Variants in PDE12 observed in about 807,000 individuals in gnomAD.
The protein encoded by PDE12 is phosphodiesterase 12, also known as 2',5'-phosphodiesterase 12.
A neutral mutation model predicts 45.4 loss-of-function variants in PDE12; 26 were observed. That is an observed-to-expected ratio of 0.57 (90% CI 0.42 to 0.79). The LOEUF (loss-of-function observed/expected upper bound fraction) is 0.79, where lower values mean the gene tolerates loss of function less well. PDE12 is among the 30% of genes least tolerant of loss of function. The probability of loss-of-function intolerance (pLI) is 0.00; values close to 1 mark genes in which losing one functional copy is unlikely to be tolerated. For missense variants in PDE12, 668 were observed against 790.0 expected (o/e 0.85, Z 1.85); for synonymous variants, 283 against 323.9 (o/e 0.87, Z 1.36).
At chr3:57,652,354 G>A in the PDE12 span, among the ~76,000 whole-genome samples, 1 of 152,186 alleles carries the variant, frequency 6.6e-6, no homozygotes, top group Admixed American at 6.5e-5. Context: ...CAGCCACAGA[G>A]AACTGCGATC....
At chr3:57,617,532 C>T in the PDE12 span, among the ~76,000 whole-genome samples, 1 of 152,230 alleles carries the variant, frequency 6.6e-6, no homozygotes, top group South Asian at 2.1e-4. Context: ...GCACTATTCA[C>T]AATAGCAAAG....
At chr3:57,640,179 G>C in the PDE12 span, among the ~76,000 whole-genome samples, 1 of 150,864 alleles carries the variant, frequency 6.6e-6, no homozygotes, top group Admixed American at 6.6e-5. Context: ...TGAGGCAGGA[G>C]AATCTCCTGA....
At chr3:57,642,313 CAAAAA>C in the PDE12 span, among the ~76,000 whole-genome samples, 1 of 67,564 alleles carries the variant, frequency 1.5e-5, no homozygotes, top group African/African-American at 7.4e-5. Context: ...GACTCTGTCT[CAAAAA>C]AAAAAAAAAA....
chr3:57,560,925 T>A lies in PDE12; in HGVS notation c.*921T>A, dbSNP rs2069722272. The A allele has an allele frequency of 2.4e-5, 24 of 983,474 alleles. No individual in the cohort carries two copies. The highest frequency in any genetic ancestry group is 2.9e-5 in the Non-Finnish European group (24 of 827,762). The allele number at this position is 983,474 out of a possible 1,614,324, so 60.9% of individuals were successfully genotyped here. On this transcript the variant is annotated 3_prime_UTR_variant, in exon 3 of 3. Coordinates refer to ENST00000311180, the MANE Select transcript of PDE12 (RefSeq NM_177966.7). Reference sequence around the variant, plus strand: ...TTTAACAAAAGATAAAAATAAATCGTCACCAATTGTTATTGCTTCTCATCT... The same window carrying A: ...TTTAACAAAAGATAAAAATAAATCGACACCAATTGTTATTGCTTCTCATCT...
chr3:57,655,414 C>T, the PDE12 span, among the ~76,000 whole-genome samples: 13 of 152,198 alleles, frequency 8.5e-5, no homozygotes, highest in African/African-American at 2.7e-4. Context: ...GGAGACAAGA[C>T]ATGTGCTAAT....
the PDE12 span, among the ~76,000 whole-genome samples, chr3:57,636,999 G>A: frequency 6.8e-6 from 1 of 146,976 alleles, no homozygotes; most frequent in African/African-American, 2.5e-5. Flanking sequence ...TGAGTAAAAA[G>A]TTAAATACAG....
At chr3:57,638,557 C>A in the PDE12 span, among the ~76,000 whole-genome samples, 45 of 151,990 alleles carry the variant, frequency 3.0e-4, no homozygotes, top group African/African-American at 1.0e-3. Context: ...ACTCGGGGAG[C>A]TAAGGCAGGA....
chr3:57,609,499 A>G, the PDE12 span, among the ~76,000 whole-genome samples: 1 of 152,208 alleles, frequency 6.6e-6, no homozygotes, highest in African/African-American at 2.4e-5. Context: ...AGCAAGACTA[A>G]TAAGAAGAGA....
rs766680669 is a variant in PDE12, at chr3:57,559,228, C to CA, written c.1309-75dup. 1,974 of 1,238,310 alleles carry CA rather than the reference C, an allele frequency of 1.6e-3. 1 individual carries two copies. Among genetic ancestry groups the CA allele is most frequent in the Non-Finnish European group, 2.1e-3 (1,766 of 855,644 alleles). The allele number at this position is 1,238,310 out of a possible 1,614,324, so 76.7% of individuals were successfully genotyped here. A position where few individuals can be genotyped will look rare whatever the true frequency, so the allele number is the denominator to read the frequency against. ...AGAGTGAGACTGTCTCGAAAAAACT[C>CA]AAAAAAACAAACAAACAAACAAAAA... On this transcript the variant is annotated intron_variant, in intron 1 of 2. Coordinates refer to ENST00000311180, the MANE Select transcript of PDE12 (RefSeq NM_177966.7).
the PDE12 span, among the ~76,000 whole-genome samples, chr3:57,607,724 G>A: frequency 6.6e-6 from 1 of 152,086 alleles, no homozygotes; most frequent in South Asian, 2.1e-4. Context: ...AAGAAATATG[G>A]GACTATGTGA....
the PDE12 span, among the ~76,000 whole-genome samples, chr3:57,605,236 C>T: frequency 6.6e-6 from 1 of 152,074 alleles, no homozygotes. Flanking sequence ...AAAACCAAAC[C>T]TTAGGACAGA....
At chr3:57,598,446 C>G in the PDE12 span, among the ~76,000 whole-genome samples, 1 of 152,158 alleles carries the variant, frequency 6.6e-6, no homozygotes, top group Admixed American at 6.5e-5. Flanking sequence ...ATCTACCCTT[C>G]AGAGACTGTT....
At chr3:57,619,953 G>C in the PDE12 span, among the ~76,000 whole-genome samples, 2 of 152,170 alleles carry the variant, frequency 1.3e-5, no homozygotes, top group Non-Finnish European at 2.9e-5. Context: ...GCCGGGCATG[G>C]TGGCTCACGC....
Position 57,559,895 on chromosome 3 carries a change from A to G in PDE12, c.1721A>G (p.Gln574Arg). 6.2e-7 allele frequency: 1 copy of G among 1,614,150 alleles called. No homozygotes were observed. Among genetic ancestry groups the G allele is most frequent in the Non-Finnish European group, 8.5e-7 (1 of 1,180,032 alleles). ...GACTTAAATGCTTTAGAGGTTGAAC[A>G]GGTGATTCCATTACCTAGTCATGAA... ...FIDLNALEVE[Q>R]VIPLPSHEEV... Residue 574 changes from glutamine to arginine, a missense_variant, in exon 3 of 3, where the codon CAG becomes CGG. Gln to Arg is a conservative substitution (Grantham distance 43, BLOSUM62 1). This residue lies in a region of PDE12 where 79 missense variants were observed against 97.9 expected (regional missense o/e 0.81). Coordinates refer to ENST00000311180, the MANE Select transcript of PDE12 (RefSeq NM_177966.7).
the PDE12 span, among the ~76,000 whole-genome samples, chr3:57,641,422 ATTC>A: frequency 6.8e-6 from 1 of 147,656 alleles, no homozygotes; most frequent in Non-Finnish European, 1.5e-5. Flanking sequence ...TTATATTATT[ATTC>A]TATAATAATA....
rs762497418 is a variant in PDE12 at position 57,557,503 on chromosome 3, G to C, written c.1124G>C (p.Arg375Pro). Reference protein sequence around the residue: ...LEAFGLEGVFRIKQHEGLATF... With the variant: ...LEAFGLEGVFPIKQHEGLATF... Reference sequence around the variant, plus strand: ...GCCTTCGGGCTCGAGGGGGTGTTTCGAATCAAGCAGCACGAAGGCCTGGCC... The same window carrying C: ...GCCTTCGGGCTCGAGGGGGTGTTTCCAATCAAGCAGCACGAAGGCCTGGCC... Residue 375 changes from arginine (R) to proline (P), a missense_variant, in exon 1 of 3, where the codon CGA (arginine) becomes CCA (proline). Coordinates refer to ENST00000311180, the MANE Select transcript of PDE12 (RefSeq NM_177966.7). The C allele has an allele frequency of 1.2e-6, 2 of 1,613,886 alleles. No individual in the cohort carries two copies. The highest frequency in any genetic ancestry group is 1.7e-5 in the Admixed American group (1 of 59,982).
Position 57,562,303 on chromosome 3 carries a change from T to C in PDE12, c.*2299T>C, listed in dbSNP as rs2069736216. 1 of 163,352 alleles carries C rather than the reference T, an allele frequency of 6.1e-6. No homozygotes were observed. The highest frequency in any genetic ancestry group is 2.0e-4 in the South Asian group (1 of 5,018). The allele number at this position is 163,352 out of a possible 1,614,324, so 10.1% of individuals were successfully genotyped here. A position where few individuals can be genotyped will look rare whatever the true frequency, so the allele number is the denominator to read the frequency against. ...ATGTCCTATATCCTTAATTTTGATG[T>C]TTTCTGACTAAACAATATACTCAGA... is the stretch of plus-strand genomic sequence containing the variant. On this transcript the variant is annotated 3_prime_UTR_variant, in exon 3 of 3. Transcript: ENST00000311180.
At chr3:57,632,895 A>G in the PDE12 span, among the ~76,000 whole-genome samples, 1 of 152,256 alleles carries the variant, frequency 6.6e-6, no homozygotes, top group Non-Finnish European at 1.5e-5. Flanking sequence ...TATTCAAGAT[A>G]AGTATCAGAA....
chr3:57,578,699 G>T, the PDE12 span, among the ~76,000 whole-genome samples: 1 of 151,872 alleles, frequency 6.6e-6, no homozygotes, highest in Non-Finnish European at 1.5e-5. Flanking sequence ...ATGTGGTCTC[G>T]AACTCCTGGA....
Sources: gnomAD v4.1 joint callset for allele counts (sites outside exome capture counted in the v4.1 genomes callset) on GRCh38, gnomAD v4.1.1 for gene constraint, gnomAD v4.1.1 regional missense constraint, MANE v1.5 for transcripts, NCBI Gene and HGNC (gene_info 2026-07-23, HGNC 2026-07-21) for gene names.